The following PGAP4 variants were observed in gnomAD, a reference collection of about 807,000 sequenced individuals.
The protein encoded by PGAP4 is GPI-N-acetylgalactosamine transferase PGAP4.
PGAP4 carries 12 observed loss-of-function variants against 28.2 expected under a neutral mutation model. The ratio of observed to expected loss-of-function variants is 0.42; its 90% CI spans 0.27 to 0.69. The LOEUF is 0.69. PGAP4 is among the 30% of genes least tolerant of loss of function. The probability of loss-of-function intolerance (pLI) is 0.22; values close to 1 mark genes in which losing one functional copy is unlikely to be tolerated. For synonymous variants in PGAP4, 205 were observed against 211.8 expected (o/e 0.97, Z 0.28); for missense variants, 425 against 513.5 (o/e 0.83, Z 1.67).
rs1007368948 is a variant in PGAP4, at chr9:101,476,048, T to C, written c.1045A>G (p.Thr349Ala). The C allele has an allele frequency of 3.1e-6, 5 of 1,613,748 alleles. No homozygotes were observed. The African/African-American group carries it at 6.7e-5, about 22-fold the overall frequency. The change falls in exon 2 of 2, where the codon ACC (threonine) becomes GCC (alanine). Residue 349 changes from threonine (T) to alanine (A), a missense_variant. Coordinates refer to ENST00000374848, the MANE Select transcript of PGAP4 (RefSeq NM_032342.3). This position sits in a 1 kb window ranked among gnomAD's most constrained non-coding sequence, Gnocchi z 7.0. Reference protein sequence around the residue: ...FPAPAARRTLTYLSQVYCHKG... With the variant: ...FPAPAARRTLAYLSQVYCHKG... ...TGGCAGTACACTTGGGACAGGTAGG[T>C]GAGGGTCCGGCGGGCCGCAGGTGCC...
At chr9:101,502,900 T>G (rs1032303048) in intron 2 of PGAP4, among the ~76,000 whole-genome samples, 1 of 152,036 alleles carries the variant, frequency 6.6e-6, no homozygotes, top group Non-Finnish European at 1.5e-5. Flanking sequence ...TCATGGGGAA[T>G]GGAGGTGAGT....
intron 2 of PGAP4, among the ~76,000 whole-genome samples, chr9:101,505,773 A>C (rs1354243533): frequency 6.6e-6 from 1 of 152,060 alleles, no homozygotes. Context: ...TGGATAATAC[A>C]ACCCAACCAA....
At chr9:101,493,296 G>T (rs1445774352) in intron 2 of PGAP4, among the ~76,000 whole-genome samples, 2 of 151,252 alleles carry the variant, frequency 1.3e-5, no homozygotes, top group Non-Finnish European at 2.9e-5. Context: ...CTCACTAAGT[G>T]CAGTCTTATC....
At chr9:101,511,622 A>G (rs1360367551) in intron 2 of PGAP4, among the ~76,000 whole-genome samples, 3 of 152,214 alleles carry the variant, frequency 2.0e-5, no homozygotes, top group Admixed American at 2.0e-4. Flanking sequence ...CCATAATGGT[A>G]TTGGTAAGAT....
intron 2 of PGAP4, among the ~76,000 whole-genome samples, chr9:101,504,002 A>T (rs886519755): frequency 6.6e-6 from 1 of 151,862 alleles, no homozygotes; most frequent in African/African-American, 2.4e-5. Flanking sequence ...TCAAACTGAA[A>T]CTCAAAGGAA....
At chr9:101,524,027 G>A (rs1475237000) in intron 2 of PGAP4, among the ~76,000 whole-genome samples, 1 of 151,844 alleles carries the variant, frequency 6.6e-6, no homozygotes, top group Non-Finnish European at 1.5e-5. Context: ...GGCACCCAGC[G>A]AGTCTACCCA....
intron 2 of PGAP4, among the ~76,000 whole-genome samples, chr9:101,496,642 GTA>G (rs1421943382): frequency 6.6e-6 from 1 of 151,040 alleles, no homozygotes; most frequent in Non-Finnish European, 1.5e-5. Flanking sequence ...ATTAGAACTT[GTA>G]TACACCATTG....
rs878933419 is a variant in PGAP4 at position 101,476,297 on chromosome 9, C to G, written c.796G>C (p.Val266Leu). 1.9e-6 allele frequency: 3 copies of G among 1,614,088 alleles called. No homozygotes were observed. Among genetic ancestry groups the G allele is most frequent in the East Asian group, 2.2e-5 (1 of 44,864 alleles). The change falls in exon 2 of 2, where the codon GTT (valine) becomes CTT (leucine). Residue 266 changes from valine to leucine, a missense_variant. Transcript: ENST00000374848. This position sits in a 1 kb window ranked among gnomAD's most constrained non-coding sequence, Gnocchi z 7.0. ...GGCCCCAGCAACATGCCTACACCAACCCATTCCAGGATCCGCATGGGCTCT... is the reference window on the plus strand; with the variant it reads ...GGCCCCAGCAACATGCCTACACCAAGCCATTCCAGGATCCGCATGGGCTCT... ...NPEPMRILEW[V>L]GVGMLLGPLL... is the part of the protein sequence containing the mutation.
At position 101,523,619 on chromosome 9, in the gene PGAP4, C is replaced by CATTTTTTTTTTTTTTT. The variant is rs1245170432; in HGVS notation, c.-165+7728_-165+7729insAAAAAAAAAAAAAAAT. On this transcript the variant is annotated intron_variant, in intron 2 of 3. Coordinates refer to the PGAP4 transcript ENST00000374851. ...ACATTTCTCCCCTCACTTCTTGTAT[C>CATTTTTTTTTTTTTTT]TTTTTTTTTTTTTTTTTTTTTTTTT... 9.6e-4 allele frequency among the ~76,000 whole-genome samples: 57 copies of CATTTTTTTTTTTTTTT among 59,346 alleles called. 5 individuals carry two copies. The highest frequency in any genetic ancestry group is 1.3e-3 in the South Asian group (2 of 1,522). The allele number at this position is 59,346 out of a possible 152,430, so 38.9% of individuals were successfully genotyped here.
At chr9:101,479,409 A>T (rs1588195586) in intron 1 of PGAP4, among the ~76,000 whole-genome samples, 1 of 152,198 alleles carries the variant, frequency 6.6e-6, no homozygotes, top group African/African-American at 2.4e-5. Flanking sequence ...ACTAGAGACA[A>T]TGAGATAGGG....
intron 2 of PGAP4, among the ~76,000 whole-genome samples, chr9:101,517,994 G>A (rs1371005516): frequency 1.3e-5 from 2 of 152,056 alleles, no homozygotes; most frequent in African/African-American, 4.8e-5. Context: ...CCCAGGCAGT[G>A]AGCACAGCAC....
chr9:101,523,035 G>T (rs1272237983), intron 2 of PGAP4, among the ~76,000 whole-genome samples: 1 of 152,106 alleles, frequency 6.6e-6, no homozygotes, highest in Non-Finnish European at 1.5e-5. Flanking sequence ...TTTTGTTTGA[G>T]GAGGCTGAAG....
chr9:101,515,296 C>A (rs937959331), intron 2 of PGAP4, among the ~76,000 whole-genome samples: 1 of 152,262 alleles, frequency 6.6e-6, no homozygotes, highest in African/African-American at 2.4e-5. Context: ...ATTACATCAC[C>A]TCTTTCTTCT....
Position 101,476,425 on chromosome 9 carries a change from AC to A in PGAP4, c.667del (p.Val223SerfsTer46). 6.2e-7 allele frequency: 1 copy of A among 1,614,120 alleles called. No homozygotes were observed. Among genetic ancestry groups the A allele is most frequent in the Non-Finnish European group, 8.5e-7 (1 of 1,180,020 alleles). On this transcript the variant is annotated frameshift_variant, in exon 2 of 2. Transcript: ENST00000374848. LOFTEE classifies it high-confidence loss of function. This position sits in a 1 kb window ranked among gnomAD's most constrained non-coding sequence, Gnocchi z 7.0. ...GCGAGCCCGCAGAAGGTGCTCCAAG[AC>A]TGGGAAGATCTGCTCTTCTGGTACA... ...DAVPEEQIFP[V>X]LEHLLRARFS... is the part of the protein sequence containing the mutation.
chr9:101,497,875 A>T (rs1826764879), intron 2 of PGAP4, among the ~76,000 whole-genome samples: 1 of 151,798 alleles, frequency 6.6e-6, no homozygotes, highest in Non-Finnish European at 1.5e-5. Flanking sequence ...GTACATATGT[A>T]TAAATTTATT....
intron 2 of PGAP4, among the ~76,000 whole-genome samples, chr9:101,521,101 G>T (rs1003792012): frequency 6.6e-6 from 1 of 152,084 alleles, no homozygotes; most frequent in Non-Finnish European, 1.5e-5. Flanking sequence ...TTTTTGATAC[G>T]TTGTTGGATT....
At chr9:101,502,590 G>A (rs1253519022) in intron 2 of PGAP4, among the ~76,000 whole-genome samples, 4 of 152,168 alleles carry the variant, frequency 2.6e-5, no homozygotes, top group Admixed American at 2.6e-4. Context: ...TATAGGGGTA[G>A]AGGATTAGGA....
chr9:101,524,810 C>G (rs1564102870), intron 2 of PGAP4, among the ~76,000 whole-genome samples: 1 of 152,202 alleles, frequency 6.6e-6, no homozygotes, highest in South Asian at 2.1e-4. Context: ...GGGGCACTCA[C>G]AGTTTTAGGG....
intron 2 of PGAP4, among the ~76,000 whole-genome samples, chr9:101,521,576 A>G (rs1479442900): frequency 1.3e-5 from 2 of 151,946 alleles, no homozygotes; most frequent in Non-Finnish European, 2.9e-5. Context: ...TTCATTTCTG[A>G]GTGAGGTTAT....
Sources: gnomAD v4.1 joint callset for allele counts (sites outside exome capture counted in the v4.1 genomes callset) on GRCh38, gnomAD v4.1.1 for gene constraint, Gnocchi (gnomAD v3.1) non-coding constraint, MANE v1.5 for transcripts, NCBI Gene and HGNC (gene_info 2026-07-23, HGNC 2026-07-21) for gene names.